SCYL3: variants seen among roughly 807,000 people sequenced by gnomAD.
The protein encoded by SCYL3 is protein-associating with the carboxyl-terminal domain of ezrin.
A neutral mutation model predicts 73.8 loss-of-function variants in SCYL3; 35 were observed. That is an observed-to-expected ratio of 0.47 (90% CI 0.36 to 0.63). The LOEUF (loss-of-function observed/expected upper bound fraction) is 0.63, where lower values mean the gene tolerates loss of function less well. Ranked by LOEUF, SCYL3 falls within the 20% of genes least tolerant of loss-of-function variation. The pLI is 0.00. For synonymous variants in SCYL3, 277 were observed against 295.2 expected, an observed-to-expected ratio of 0.94 and a Z score of 0.63; for missense variants, 712 against 798.9, an observed-to-expected ratio of 0.89 and a Z score of 1.31.
chr1:169,870,686 G>T (rs926109422), intron 5 of SCYL3, among the ~76,000 whole-genome samples: 1 of 151,732 alleles, frequency 6.6e-6, no homozygotes, highest in Non-Finnish European at 1.5e-5. Flanking sequence ...ACACATAATG[G>T]AAACAAAAGT....
At chr1:169,853,892 T>TACTA (rs1658773654) in intron 12 of SCYL3, 120 bp from the exon 13 acceptor site, 2 of 1,088,298 alleles carry the variant, frequency 1.8e-6, no homozygotes, top group Admixed American at 2.1e-5. Flanking sequence ...CACTACCTCG[T>TACTA]ACTAAGTAAA....
Position 169,850,202 on chromosome 1 carries a change from T to C in SCYL3, c.*3511A>G, listed in dbSNP as rs1657933313. 2 of 1,092,452 alleles carry C rather than the reference T, an allele frequency of 1.8e-6. No homozygotes were observed. Among genetic ancestry groups the C allele is most frequent in the Non-Finnish European group, 2.8e-6 (2 of 725,174 alleles). 67.7% of individuals were successfully genotyped at this position (1,092,452 alleles called of 1,614,324 possible). A position where few individuals can be genotyped will look rare whatever the true frequency, so the allele number is the denominator to read the frequency against. The stretch of plus-strand genomic sequence containing the variant: ...TGGTTAAGGTAGCTCATAAAACTCA[T>C]CTATTTGTCTTTGCAAGTTGTTGAA... On this transcript the variant is annotated 3_prime_UTR_variant, in exon 13 of 13. Coordinates refer to ENST00000367771, the MANE Select transcript of SCYL3 (RefSeq NM_020423.7).
chr1:169,859,588 C>G (rs1489189248), intron 10 of SCYL3, among the ~76,000 whole-genome samples: 2 of 152,232 alleles, frequency 1.3e-5, no homozygotes, highest in African/African-American at 4.8e-5. Flanking sequence ...GCACTCAGAA[C>G]TCATCTAGGG....
chr1:169,855,993 A>C (rs769811871), intron 11 of SCYL3: 5 of 1,597,090 alleles, frequency 3.1e-6, no homozygotes, highest in Non-Finnish European at 4.3e-6. Context: ...CATGAAAGGG[A>C]CAGTAAATTG....
chr1:169,858,897 C>T (rs77456345), intron 11 of SCYL3, 144 bp downstream of exon 11: 9,317 of 698,186 alleles, frequency 0.013, 92 homozygotes, highest in Middle Eastern at 0.024. Context: ...AAAATCCCCC[C>T]GAGAAGTTCA....
chr1:169,876,343 C>T (rs1226267862), intron 3 of SCYL3, among the ~76,000 whole-genome samples: 3 of 152,200 alleles, frequency 2.0e-5, no homozygotes, highest in Non-Finnish European at 4.4e-5. Flanking sequence ...TCTCCCCCTG[C>T]CTCATGTGGC....
At chr1:169,863,792 GTTGGA>G (rs1203381513) in intron 9 of SCYL3, among the ~76,000 whole-genome samples, 1 of 152,218 alleles carries the variant, frequency 6.6e-6, no homozygotes. Flanking sequence ...ACAATGCTTT[GTTGGA>G]CTGAGATCCC....
At chr1:169,863,045 T>A (rs1659779351) in intron 9 of SCYL3, among the ~76,000 whole-genome samples, 1 of 152,116 alleles carries the variant, frequency 6.6e-6, no homozygotes, top group Non-Finnish European at 1.5e-5. Context: ...CCCGAGTAGC[T>A]GGGATTACAG....
chr1:169,892,310 G>A (rs1008578279), intron 1 of SCYL3, among the ~76,000 whole-genome samples: 1 of 152,190 alleles, frequency 6.6e-6, no homozygotes, highest in Admixed American at 6.5e-5. Flanking sequence ...CTGGCCTAGA[G>A]TGCATTGGCG....
At chr1:169,881,942 C>T (rs936961128) in intron 2 of SCYL3, among the ~76,000 whole-genome samples, 5 of 152,220 alleles carry the variant, frequency 3.3e-5, no homozygotes, top group South Asian at 2.1e-4. Flanking sequence ...GAGGTGACAG[C>T]GTGCTGGCAG....
intron 2 of SCYL3, among the ~76,000 whole-genome samples, chr1:169,885,844 G>A (rs1289185595): frequency 6.6e-6 from 1 of 152,160 alleles, no homozygotes; most frequent in Admixed American, 6.5e-5. Flanking sequence ...GGAAAAAGGA[G>A]AGCGTGAAGT....
rs183772961 is a variant in SCYL3, at chr1:169,851,416, C to T, written c.*2297G>A. Reference sequence around the variant, plus strand: ...GGAGTGTGGTGGTGTGATCATAGCTCGCTATAACCTCAAACTCCTGGGCTC... The same window carrying T: ...GGAGTGTGGTGGTGTGATCATAGCTTGCTATAACCTCAAACTCCTGGGCTC... On this transcript the variant is annotated 3_prime_UTR_variant, in exon 13 of 13. Transcript: ENST00000367771. The T allele has an allele frequency of 4.3e-4, 69 of 160,598 alleles. No individual in the cohort carries two copies. The highest frequency in any genetic ancestry group is 1.6e-3 in the Admixed American group (25 of 15,968). 9.9% of individuals were successfully genotyped at this position (160,598 alleles called of 1,614,324 possible).
intron 12 of SCYL3, 63 bp from the exon 13 acceptor site, chr1:169,853,835 A>T: frequency 6.3e-7 from 1 of 1,575,518 alleles, no homozygotes; most frequent in Non-Finnish European, 8.7e-7. Flanking sequence ...AATCATACGC[A>T]AATTTGAAAA....
chr1:169,880,848 G>A lies in SCYL3; in HGVS notation c.166-2029C>T, dbSNP rs1045511575. The stretch of plus-strand genomic sequence containing the variant: ...GCAATCTCAGCTGACTGCAACCTCC[G>A]CCTCCCGGGTTCAAGTGATTCCCCT... On this transcript the variant is annotated intron_variant, in intron 2 of 12. Coordinates refer to ENST00000367771, the MANE Select transcript of SCYL3 (RefSeq NM_020423.7). Among the ~76,000 whole-genome samples, 6 of 147,870 alleles carry A rather than the reference G, an allele frequency of 4.1e-5. No individual in the cohort carries two copies. The East Asian group carries it at 6.0e-4, about 15-fold the overall frequency.
Position 169,854,545 on chromosome 1 carries a change from C to T in SCYL3, c.1732G>A (p.Ala578Thr), listed in dbSNP as rs374585625. The T allele has an allele frequency of 1.5e-4, 249 of 1,613,858 alleles. 3 individuals carry two copies. In the South Asian group the frequency reaches 2.2e-3, roughly 14 times the overall value. ...ACTTTTGGCGGCTCGATTTGGTCTG[C>T]GTCATCCCCCCTTTGTACAAGGCTA... ...KISLVQRGDD[A>T]DQIEPPKVSS... is the part of the protein sequence containing the mutation. The change falls in exon 12 of 13, where the codon GCA becomes ACA. Residue 578 changes from alanine (A) to threonine (T), a missense_variant. Around this residue, in one of 2 missense-constraint regions of SCYL3, gnomAD observed 370 missense variants for 350.8 expected, o/e 1.05. Transcript: ENST00000367771.
intron 1 of SCYL3, among the ~76,000 whole-genome samples, chr1:169,892,425 T>C (rs1159147760): frequency 6.6e-6 from 1 of 152,284 alleles, no homozygotes; most frequent in South Asian, 2.1e-4. Flanking sequence ...TGCCCGCCAG[T>C]GCTTTAAAAA....
rs181455639 is a variant in SCYL3, at chr1:169,884,423, G to A, written c.165+4253C>T. ...AATGATTCGTCTGCCTCAACCTCTC[G>A]AATAGCTGGGATTACAGGCGCCCAC... On this transcript the variant is annotated intron_variant, in intron 2 of 12. Transcript: ENST00000367771. Among the ~76,000 whole-genome samples, 723 of 152,066 alleles carry A rather than the reference G, an allele frequency of 4.8e-3. 2 individuals are homozygous for A. The highest frequency in any genetic ancestry group is 8.0e-3 in the Non-Finnish European group (543 of 67,976).
At chr1:169,856,920 AT>A (rs1659224968) in intron 11 of SCYL3, among the ~76,000 whole-genome samples, 1 of 152,214 alleles carries the variant, frequency 6.6e-6, no homozygotes, top group South Asian at 2.1e-4. Context: ...AGCCTATCTG[AT>A]TAACTCTTTT....
intron 10 of SCYL3, among the ~76,000 whole-genome samples, chr1:169,860,442 G>GTTT (rs898830627): frequency 3.5e-4 from 53 of 152,240 alleles, no homozygotes; most frequent in African/African-American, 1.3e-3. Context: ...GCAGCAGGGC[G>GTTT]TGACAGGTAT....
Sources: allele counts gnomAD v4.1 joint callset (sites outside exome capture counted in the v4.1 genomes callset), GRCh38; gene constraint gnomAD v4.1.1; regional missense constraint gnomAD v4.1.1; transcripts MANE v1.5; gene names NCBI Gene and HGNC (gene_info 2026-07-23, HGNC 2026-07-21).